The following STAMBPL1 variants were observed in gnomAD, a reference collection of about 807,000 sequenced individuals.
STAMBPL1 encodes AMSH-like protease.
STAMBPL1 carries 44 observed loss-of-function variants against 52.9 expected under a neutral mutation model. The ratio of observed to expected loss-of-function variants is 0.83; its 90% CI spans 0.65 to 1.07. The LOEUF is 1.07. Among genes scored for constraint, STAMBPL1 ranks in the 50% least tolerant of loss-of-function variants. The pLI is 0.00. For missense variants in STAMBPL1, 511 were observed against 520.8 expected (o/e 0.98, Z 0.18); for synonymous variants, 164 against 177.3 (o/e 0.92, Z 0.60).
chr10:88,920,869 C>A (rs1417203724), intron 8 of STAMBPL1, among the ~76,000 whole-genome samples: 1 of 152,188 alleles, frequency 6.6e-6, no homozygotes, highest in Admixed American at 6.5e-5. Context: ...GGTTTCCAAT[C>A]ACAGCTCTGC....
chr10:88,902,527 G>C (rs1016462656), intron 2 of STAMBPL1, among the ~76,000 whole-genome samples: 1 of 152,072 alleles, frequency 6.6e-6, no homozygotes, highest in African/African-American at 2.4e-5. Flanking sequence ...CATAAAGAAA[G>C]AGAGGGCCTG....
At position 88,905,597 on chromosome 10, in the gene STAMBPL1, C is replaced by T. The variant is rs199596291; in HGVS notation, c.185C>T (p.Ala62Val). ...FRSGVEMERMASVYLEEGNLE... is the reference protein window; with the variant it reads ...FRSGVEMERMVSVYLEEGNLE... ...TCTGGAGTAGAGATGGAGAGGATGG[C>T]GTCTGTGTATTTGGAAGAAGGAAAT... Residue 62 changes from alanine to valine, a missense_variant, in exon 3 of 11, where the codon GCG becomes GTG. Physicochemically the swap from Ala to Val is moderately conservative, Grantham distance 64 (BLOSUM62 0). This residue lies in a region of STAMBPL1 where 358 missense variants were observed against 343.5 expected (regional missense o/e 1.04). Transcript: ENST00000371926. 1.1e-5 allele frequency: 17 copies of T among 1,613,980 alleles called. No individual in the cohort carries two copies. Among genetic ancestry groups the T allele is most frequent in the Admixed American group, 6.7e-5 (4 of 60,008 alleles).
At chr10:88,916,934 A>G in intron 8 of STAMBPL1, 117 bp downstream of exon 8, 1 of 1,134,898 alleles carries the variant, frequency 8.8e-7, no homozygotes, top group South Asian at 2.2e-5. Flanking sequence ...TTCAAATGTA[A>G]TAAAGGTTGT....
rs200966286 is a variant in STAMBPL1 at position 88,913,399 on chromosome 10, G to T, written c.719G>T (p.Ser240Ile). 1.9e-6 allele frequency: 3 copies of T among 1,613,762 alleles called. No individual in the cohort carries two copies. Among genetic ancestry groups the T allele is most frequent in the Non-Finnish European group, 2.5e-6 (3 of 1,179,828 alleles). Reference protein sequence around the residue: ...PNKSDATNYASHSPPVNRALT... With the variant: ...PNKSDATNYAIHSPPVNRALT... ...AAAAGTGATGCAACCAATTATGCTA[G>T]CCACTCTCCTCCTGTAAACAGGGCC... The change falls in exon 6 of 11, where the codon AGC becomes ATC. Residue 240 changes from serine to isoleucine, a missense_variant. Physicochemically the swap from Ser to Ile is moderately radical, Grantham distance 142. Transcript: ENST00000371926.
At chr10:88,904,986 A>G (rs746787362) in intron 2 of STAMBPL1, among the ~76,000 whole-genome samples, 5 of 152,092 alleles carry the variant, frequency 3.3e-5, no homozygotes, top group Admixed American at 6.6e-5. Flanking sequence ...ATTCTGGAAT[A>G]GAATTGAATC....
chr10:88,908,842 C>A, intron 4 of STAMBPL1, 65 bp downstream of exon 4: 1 of 1,240,520 alleles, frequency 8.1e-7, no homozygotes, highest in South Asian at 1.5e-5. Context: ...ATTGATTCAC[C>A]CTTCCCCTTC....
intron 1 of STAMBPL1, among the ~76,000 whole-genome samples, chr10:88,891,227 A>G (rs538842739): frequency 3.0e-4 from 45 of 152,366 alleles, no homozygotes; most frequent in African/African-American, 1.1e-3. Flanking sequence ...ACATATTTTA[A>G]AATTGTTTAT....
chr10:88,910,240 G>A (rs190972190), intron 4 of STAMBPL1, among the ~76,000 whole-genome samples: 5 of 152,256 alleles, frequency 3.3e-5, no homozygotes, highest in African/African-American at 1.2e-4. Flanking sequence ...TAAATGGGCC[G>A]CTAGCTGGTT....
intron 5 of STAMBPL1, among the ~76,000 whole-genome samples, chr10:88,912,053 A>T (rs7077534): frequency 0.048 from 7,254 of 152,192 alleles, 333 homozygotes; most frequent in African/African-American, 0.12. Flanking sequence ...TACAGTGGTG[A>T]CCCATGTGGG....
chr10:88,888,654 A>T (rs1487446611), intron 1 of STAMBPL1, among the ~76,000 whole-genome samples: 1 of 152,166 alleles, frequency 6.6e-6, no homozygotes, highest in Non-Finnish European at 1.5e-5. Context: ...AATTGCTACA[A>T]CTACCAGTAC....
intron 3 of STAMBPL1, among the ~76,000 whole-genome samples, 168 bp downstream of exon 3, chr10:88,905,828 G>A (rs1276513109): frequency 6.6e-6 from 1 of 152,170 alleles, no homozygotes; most frequent in Non-Finnish European, 1.5e-5. Context: ...TGTACTCACA[G>A]GCATCCCAAC....
At chr10:88,920,892 G>A (rs1385768353) in intron 8 of STAMBPL1, among the ~76,000 whole-genome samples, 3 of 152,080 alleles carry the variant, frequency 2.0e-5, no homozygotes, top group Admixed American at 6.6e-5. Flanking sequence ...CTTACCAGCC[G>A]TGTGACCACA....
At chr10:88,894,505 T>G (rs918151639) in intron 1 of STAMBPL1, among the ~76,000 whole-genome samples, 1 of 152,210 alleles carries the variant, frequency 6.6e-6, no homozygotes, top group African/African-American at 2.4e-5. Context: ...TTAGAAATCA[T>G]GTAGCACATT....
intron 1 of STAMBPL1, among the ~76,000 whole-genome samples, chr10:88,891,552 C>T (rs1202738812): frequency 6.6e-6 from 1 of 152,074 alleles, no homozygotes; most frequent in African/African-American, 2.4e-5. Context: ...GTGGAGAAAC[C>T]TGACCGATAT....
chr10:88,891,140 A>T (rs987327326), intron 1 of STAMBPL1, among the ~76,000 whole-genome samples: 2 of 152,226 alleles, frequency 1.3e-5, no homozygotes, highest in Non-Finnish European at 2.9e-5. Flanking sequence ...TCCTTACAAA[A>T]AATAAATTCC....
intron 2 of STAMBPL1, among the ~76,000 whole-genome samples, chr10:88,903,977 G>C (rs1183553160): frequency 6.6e-6 from 1 of 152,230 alleles, no homozygotes; most frequent in African/African-American, 2.4e-5. Flanking sequence ...AAGTAGACCA[G>C]ATGGCATTGG....
intron 8 of STAMBPL1, among the ~76,000 whole-genome samples, chr10:88,919,121 G>T (rs1247162488): frequency 6.6e-6 from 1 of 152,058 alleles, no homozygotes; most frequent in Non-Finnish European, 1.5e-5. Context: ...GGAATAAAAG[G>T]TCTGAAACAT....
intron 8 of STAMBPL1, among the ~76,000 whole-genome samples, chr10:88,920,087 C>G (rs1416998781): frequency 1.3e-5 from 2 of 152,144 alleles, no homozygotes; most frequent in African/African-American, 4.8e-5. Context: ...TTGGGCTCAA[C>G]TGATCCTCTC....
chr10:88,881,946 C>T (rs775564959), intron 1 of STAMBPL1: 1 of 152,170 alleles, frequency 6.6e-6, no homozygotes, highest in Non-Finnish European at 1.5e-5. Flanking sequence ...GAGAGCTTCT[C>T]CATTCAAAGG....
Sources: gnomAD v4.1 joint callset for allele counts (sites outside exome capture counted in the v4.1 genomes callset) on GRCh38, gnomAD v4.1.1 for gene constraint, gnomAD v4.1.1 regional missense constraint, MANE v1.5 for transcripts, NCBI Gene and HGNC (gene_info 2026-07-23, HGNC 2026-07-21) for gene names.